Variants in CAP1 observed in about 807,000 individuals in gnomAD.
The protein encoded by CAP1 is cyclase associated actin cytoskeleton regulatory protein 1.
CAP1 carries 11 observed loss-of-function variants against 58.2 expected under a neutral mutation model. The observed-to-expected ratio is 0.19, with a 90% CI of 0.12 to 0.31. CAP1 has a LOEUF of 0.31. CAP1 is among the 10% of genes least tolerant of loss of function. CAP1 has a pLI of 1.00. For synonymous variants in CAP1, 183 were observed against 213.8 expected (o/e 0.86, Z 1.26); for missense variants, 423 against 587.5 (o/e 0.72, Z 2.89).
intron 1 of CAP1, among the ~76,000 whole-genome samples, chr1:40,043,874 CAAAA>C (rs11396688): frequency 4.1e-5 from 6 of 147,928 alleles, no homozygotes; most frequent in Non-Finnish European, 6.0e-5. Flanking sequence ...GACTCTGTCT[CAAAA>C]AAAAAAGAAA....
rs1557702372 is a variant in CAP1 at position 40,072,238 on chromosome 1, G to C, written c.*705G>C. 4 of 323,148 alleles carry C rather than the reference G, an allele frequency of 1.2e-5. No homozygotes were observed. Among genetic ancestry groups the C allele is most frequent in the East Asian group, 4.4e-5 (1 of 22,784 alleles). 20.0% of individuals were successfully genotyped at this position (323,148 alleles called of 1,614,324 possible). Reference sequence around the variant, plus strand: ...TCCCTGCCCAGCACCTTCCTATAGAGATGACTTTAAAAGGAAAAAAAAAAA... The same window carrying C: ...TCCCTGCCCAGCACCTTCCTATAGACATGACTTTAAAAGGAAAAAAAAAAA... On this transcript the variant is annotated 3_prime_UTR_variant, in exon 13 of 13. Coordinates refer to ENST00000372805, the MANE Select transcript of CAP1 (RefSeq NM_006367.4).
intron 1 of CAP1, among the ~76,000 whole-genome samples, chr1:40,052,413 T>C (rs1363973100): frequency 1.3e-5 from 2 of 152,188 alleles, no homozygotes; most frequent in East Asian, 1.9e-4. Context: ...TGATGAATGC[T>C]TAAGTAGTTG....
intron 1 of CAP1, among the ~76,000 whole-genome samples, chr1:40,050,280 G>C (rs1166968450): frequency 2.0e-5 from 3 of 151,584 alleles, no homozygotes; most frequent in African/African-American, 7.3e-5. Flanking sequence ...TTTATATTCT[G>C]TACAGCACTT....
At chr1:40,070,670 A>C in intron 11 of CAP1, 158 bp downstream of exon 11, 1 of 914,774 alleles carries the variant, frequency 1.1e-6, no homozygotes, top group Non-Finnish European at 1.7e-6. Flanking sequence ...CTCTTCAAGC[A>C]AGTTCTTTTC....
intron 7 of CAP1, 33 bp downstream of exon 7, chr1:40,066,353 TCCC>T: frequency 1.1e-6 from 1 of 873,602 alleles, no homozygotes; most frequent in Non-Finnish European, 1.7e-6. Flanking sequence ...CCTCCCTCCC[TCCC>T]ACTTTCTCTC....
intron 1 of CAP1, among the ~76,000 whole-genome samples, chr1:40,044,097 T>C (rs1421629318): frequency 6.6e-6 from 1 of 152,186 alleles, no homozygotes; most frequent in Non-Finnish European, 1.5e-5. Context: ...TAAAATGTTT[T>C]GTTTCCAACC....
chr1:40,058,746 G>A (rs569439866), intron 1 of CAP1, among the ~76,000 whole-genome samples: 5 of 151,954 alleles, frequency 3.3e-5, no homozygotes, highest in African/African-American at 1.2e-4. Flanking sequence ...ATTGAGGGAA[G>A]AGTAAACATC....
At chr1:40,070,121 T>C (rs1647584317) in intron 9 of CAP1, 38 bp from the exon 10 acceptor site, 8 of 1,612,782 alleles carry the variant, frequency 5.0e-6, no homozygotes, top group Non-Finnish European at 6.8e-6. Context: ...GTTCGGTGTG[T>C]GCTTTGTGAT....
Position 40,072,047 on chromosome 1 carries a change from CT to C in CAP1, c.*515del, listed in dbSNP as rs1648138315. 1 of 403,472 alleles carries C rather than the reference CT, an allele frequency of 2.5e-6. No individual in the cohort carries two copies. Among genetic ancestry groups the C allele is most frequent in the African/African-American group, 2.1e-5 (1 of 48,638 alleles). 25.0% of individuals were successfully genotyped at this position (403,472 alleles called of 1,614,324 possible). ...GGACCAAAGGCTGAGGCTTGGCCATCTAGCATTCCATACAAAATTGTTTCCT... is the reference window on the plus strand; with the variant it reads ...GGACCAAAGGCTGAGGCTTGGCCATCAGCATTCCATACAAAATTGTTTCCT... On this transcript the variant is annotated 3_prime_UTR_variant, in exon 13 of 13. Coordinates refer to ENST00000372805, the MANE Select transcript of CAP1 (RefSeq NM_006367.4).
At chr1:40,070,792 C>T in intron 11 of CAP1, 44 bp from the exon 12 acceptor site, 1 of 1,556,804 alleles carries the variant, frequency 6.4e-7, no homozygotes, top group Non-Finnish European at 8.7e-7. Context: ...TTACTGTTGT[C>T]CTTCCCAACC....
intron 1 of CAP1, among the ~76,000 whole-genome samples, chr1:40,055,574 A>C (rs925141579): frequency 1.3e-5 from 2 of 152,034 alleles, no homozygotes; most frequent in Non-Finnish European, 2.9e-5. Flanking sequence ...AGTGGTACTC[A>C]TGGCTTACTG....
intron 1 of CAP1, chr1:40,041,401 A>G (rs531572786): frequency 6.6e-6 from 1 of 152,264 alleles, no homozygotes; most frequent in South Asian, 2.1e-4. Flanking sequence ...TTTTTAAAAG[A>G]AAGGCGGGCA....
intron 6 of CAP1, 152 bp downstream of exon 6, chr1:40,064,711 G>C: frequency 1.5e-6 from 1 of 662,992 alleles, no homozygotes; most frequent in Non-Finnish European, 2.7e-6. Flanking sequence ...AAGTAGCTGG[G>C]ACTTCAGGCA....
At position 40,067,679 on chromosome 1, in the gene CAP1, T is replaced by C; in HGVS notation, c.770T>C (p.Leu257Pro). The change falls in exon 8 of 13, where the codon CTG becomes CCG. Residue 257 changes from leucine (L) to proline (P), a missense_variant. Physicochemically the swap from Leu to Pro is moderately conservative, Grantham distance 98 (BLOSUM62 -3). Transcript: ENST00000372805. The stretch of plus-strand genomic sequence containing the variant: ...TATGAGTCTGCTTCCCGCTCATCAC[T>C]GTTCGCGCAGATTAATCAGGGGGAG... ...CSYESASRSS[L>P]FAQINQGESI... 6.3e-7 allele frequency: 1 copy of C among 1,575,790 alleles called. No individual in the cohort carries two copies. Among genetic ancestry groups the C allele is most frequent in the Non-Finnish European group, 8.6e-7 (1 of 1,157,866 alleles).
At chr1:40,070,690 C>G in intron 11 of CAP1, 146 bp from the exon 12 acceptor site, 1 of 703,768 alleles carries the variant, frequency 1.4e-6, no homozygotes, top group Non-Finnish European at 2.4e-6. Context: ...CAGGACCCAT[C>G]CCAACCCACC....
chr1:40,063,167 TTTAC>T (rs1203061469), intron 4 of CAP1, among the ~76,000 whole-genome samples: 12 of 149,186 alleles, frequency 8.0e-5, no homozygotes, highest in Admixed American at 2.0e-4. Context: ...GGCTTGCTTA[TTTAC>T]TTACTTATTT....
chr1:40,070,114 C>G (rs201291681), intron 9 of CAP1, 45 bp from the exon 10 acceptor site: 4 of 1,607,266 alleles, frequency 2.5e-6, no homozygotes, highest in Non-Finnish European at 3.4e-6. Flanking sequence ...ATTTTTTGTT[C>G]GGTGTGTGCT....
At chr1:40,045,981 C>G (rs1646078791) in intron 1 of CAP1, among the ~76,000 whole-genome samples, 1 of 152,200 alleles carries the variant, frequency 6.6e-6, no homozygotes, top group Non-Finnish European at 1.5e-5. Flanking sequence ...AGCCACCACA[C>G]CTGGCAGATG....
At chr1:40,063,179 T>C (rs923429681) in intron 4 of CAP1, among the ~76,000 whole-genome samples, 4 of 151,192 alleles carry the variant, frequency 2.6e-5, no homozygotes, top group Admixed American at 6.6e-5. Context: ...TACTTACTTA[T>C]TTATTTATTT....
Sources: allele counts gnomAD v4.1 joint callset (sites outside exome capture counted in the v4.1 genomes callset), GRCh38; gene constraint gnomAD v4.1.1; transcripts MANE v1.5; gene names NCBI Gene and HGNC (gene_info 2026-07-23, HGNC 2026-07-21).